Variants in KCNB2 observed in about 807,000 individuals in gnomAD.
The protein encoded by KCNB2 is delayed rectifier potassium channel protein.
Under a neutral mutation model 61.5 loss-of-function variants are expected in KCNB2, and 15 were observed. That is an observed-to-expected ratio of 0.24 (90% CI 0.16 to 0.38). The LOEUF (loss-of-function observed/expected upper bound fraction) is 0.38, where lower values mean the gene tolerates loss of function less well. Among genes scored for constraint, KCNB2 ranks in the 10% least tolerant of loss-of-function variants. The probability of loss-of-function intolerance (pLI) is 1.00; values close to 1 mark genes in which losing one functional copy is unlikely to be tolerated. For synonymous variants in KCNB2, 457 were observed against 446.0 expected, an observed-to-expected ratio of 1.02 and a Z score of -0.31; for missense variants, 828 against 1,125.2, an observed-to-expected ratio of 0.74 and a Z score of 3.78.
intron 2 of KCNB2, among the ~76,000 whole-genome samples, chr8:72,932,427 T>G (rs774162739): frequency 1.4e-4 from 21 of 152,216 alleles, no homozygotes; most frequent in Non-Finnish European, 3.1e-4. Flanking sequence ...TGGTTACCCT[T>G]GTCTCCTGCT....
intron 2 of KCNB2, among the ~76,000 whole-genome samples, chr8:72,625,325 A>G (rs1805772633): frequency 6.6e-6 from 1 of 152,376 alleles, no homozygotes; most frequent in African/African-American, 2.4e-5. Context: ...AATCTAAAAC[A>G]TAGACATTTT....
At chr8:72,841,714 T>C (rs993478742) in intron 2 of KCNB2, among the ~76,000 whole-genome samples, 24 of 63,796 alleles carry the variant, frequency 3.8e-4, no homozygotes, top group Middle Eastern at 0.011. Context: ...GGGAGTTCAC[T>C]CATGATTTGG....
intron 2 of KCNB2, among the ~76,000 whole-genome samples, chr8:72,600,008 G>A (rs1406880380): frequency 6.6e-6 from 1 of 152,174 alleles, no homozygotes; most frequent in Non-Finnish European, 1.5e-5. Flanking sequence ...CTGTAAACTA[G>A]TTCAACCATT....
At chr8:72,713,975 G>A (rs897454132) in intron 2 of KCNB2, among the ~76,000 whole-genome samples, 8 of 152,194 alleles carry the variant, frequency 5.3e-5, no homozygotes, top group African/African-American at 1.4e-4. Context: ...AGGACCTGAT[G>A]GAGCTGAAAA....
chr8:72,730,310 A>T (rs1807719914), intron 2 of KCNB2, among the ~76,000 whole-genome samples: 1 of 152,186 alleles, frequency 6.6e-6, no homozygotes, highest in Non-Finnish European at 1.5e-5. Flanking sequence ...TTCCAAATAC[A>T]TTTCAATAAA....
chr8:72,588,982 C>T (rs975173740), intron 2 of KCNB2, among the ~76,000 whole-genome samples: 1 of 152,126 alleles, frequency 6.6e-6, no homozygotes, highest in Non-Finnish European at 1.5e-5. Flanking sequence ...GGATTGAACT[C>T]ATAGTCTGAT....
chr8:72,677,639 A>G (rs1244286644), intron 2 of KCNB2, among the ~76,000 whole-genome samples: 1 of 152,114 alleles, frequency 6.6e-6, no homozygotes, highest in African/African-American at 2.4e-5. Flanking sequence ...ATTTTATGCC[A>G]TCTGTCAGCA....
At chr8:72,626,484 G>A (rs796280703) in intron 2 of KCNB2, among the ~76,000 whole-genome samples, 36 of 152,378 alleles carry the variant, frequency 2.4e-4, no homozygotes, top group African/African-American at 8.4e-4. Flanking sequence ...TTCTATTGCA[G>A]TGTACAGAAG....
chr8:72,736,608 TTTC>T (rs1267969737), intron 2 of KCNB2, among the ~76,000 whole-genome samples: 1 of 152,142 alleles, frequency 6.6e-6, no homozygotes, highest in African/African-American at 2.4e-5. Context: ...TTCAAATTCA[TTTC>T]TTATTATCCC....
intron 2 of KCNB2, among the ~76,000 whole-genome samples, chr8:72,736,026 C>G (rs759663801): frequency 6.6e-6 from 1 of 152,096 alleles, no homozygotes; most frequent in Non-Finnish European, 1.5e-5. Flanking sequence ...AGATTTTAAT[C>G]TGTGATTCCA....
At chr8:72,899,629 A>T (rs1400897518) in intron 2 of KCNB2, among the ~76,000 whole-genome samples, 1 of 151,832 alleles carries the variant, frequency 6.6e-6, no homozygotes, top group Non-Finnish European at 1.5e-5. Context: ...CATTTACAAT[A>T]GCCACAAAAG....
chr8:72,658,689 T>G (rs1292042367), intron 2 of KCNB2, among the ~76,000 whole-genome samples: 2 of 152,164 alleles, frequency 1.3e-5, no homozygotes, highest in Non-Finnish European at 2.9e-5. Context: ...TGACACTTGT[T>G]AGGGGTTAAT....
At position 72,547,468 on chromosome 8, in the gene KCNB2, C is replaced by T. The variant is rs188291613; in HGVS notation, c.-94+9583C>T. 3.7e-3 allele frequency among the ~76,000 whole-genome samples: 557 copies of T among 152,186 alleles called. 6 individuals are homozygous for T. Among genetic ancestry groups the T allele is most frequent in the African/African-American group, 0.012 (515 of 41,522 alleles). ...TCACCATTCTAGATGCCATTAAGAA[C>T]GTTTGTGATTGATGGGAGGAAGTCA... On this transcript the variant is annotated intron_variant, in intron 1 of 2. Transcript: ENST00000523207.
At chr8:72,804,595 C>T (rs546322772) in intron 2 of KCNB2, among the ~76,000 whole-genome samples, 1 of 152,272 alleles carries the variant, frequency 6.6e-6, no homozygotes, top group East Asian at 1.9e-4. Context: ...TTCCATACCA[C>T]CCCAACTCCC....
At chr8:72,701,780 T>C (rs923376112) in intron 2 of KCNB2, among the ~76,000 whole-genome samples, 12 of 152,156 alleles carry the variant, frequency 7.9e-5, no homozygotes, top group Non-Finnish European at 1.5e-4. Flanking sequence ...GGGGGAATGG[T>C]TGAGTGATTT....
chr8:72,833,105 G>A (rs766448873), intron 2 of KCNB2, among the ~76,000 whole-genome samples: 17 of 152,152 alleles, frequency 1.1e-4, no homozygotes, highest in South Asian at 6.2e-4. Flanking sequence ...TTGACAAGGC[G>A]TTAAAAGAGC....
rs115071693 is a variant in KCNB2 at position 72,615,752 on chromosome 8, G to A, written c.579+47439G>A. Among the ~76,000 whole-genome samples, 534 of 152,246 alleles carry A rather than the reference G, an allele frequency of 3.5e-3. 5 individuals are homozygous for A. The highest frequency in any genetic ancestry group is 0.012 in the African/African-American group (497 of 41,548). On this transcript the variant is annotated intron_variant, in intron 2 of 2. Transcript: ENST00000523207. ...GAAAGTTTATAACAAGTTGAATAGG[G>A]CAAAAAAGTTTTCTTTGCCCAAGTG...
intron 2 of KCNB2, among the ~76,000 whole-genome samples, chr8:72,765,729 G>C (rs1222836482): frequency 6.6e-6 from 1 of 152,156 alleles, no homozygotes; most frequent in Non-Finnish European, 1.5e-5. Context: ...AGTGGTTCTC[G>C]AACTGCAGCA....
At chr8:72,745,702 G>A (rs1808050798) in intron 2 of KCNB2, among the ~76,000 whole-genome samples, 1 of 152,060 alleles carries the variant, frequency 6.6e-6, no homozygotes. Flanking sequence ...AGACTGATTG[G>A]ATAAGAGATC....
Sources: gnomAD v4.1 joint callset for allele counts (sites outside exome capture counted in the v4.1 genomes callset) on GRCh38, gnomAD v4.1.1 for gene constraint, MANE v1.5 for transcripts, NCBI Gene and HGNC (gene_info 2026-07-23, HGNC 2026-07-21) for gene names.